RELN: variants seen among roughly 807,000 people sequenced by gnomAD.
The protein encoded by RELN is reelin.
A neutral mutation model predicts 427.6 loss-of-function variants in RELN; 108 were observed. That is an observed-to-expected ratio of 0.25 (90% confidence interval 0.22 to 0.30). The LOEUF is 0.30. Among genes scored for constraint, RELN ranks in the 10% least tolerant of loss-of-function variants. RELN has a pLI of 1.00. For synonymous variants in RELN, 1,524 were observed against 1,513.4 expected, an observed-to-expected ratio of 1.01 and a Z score of -0.16; for missense variants, 3,715 against 4,302.8, an observed-to-expected ratio of 0.86 and a Z score of 3.82.
intron 16 of RELN, 90 bp downstream of exon 16, chr7:103,650,184 T>C (rs1403100714): frequency 1.2e-6 from 1 of 841,462 alleles, no homozygotes; most frequent in Non-Finnish European, 2.1e-6. Context: ...GACCATGACT[T>C]AGAAATGTGA....
At position 103,636,406 on chromosome 7, in the gene RELN, A is replaced by G; in HGVS notation, c.2132T>C (p.Ile711Thr). 1 of 1,614,078 alleles carries G rather than the reference A, an allele frequency of 6.2e-7. No individual in the cohort carries two copies. The highest frequency in any genetic ancestry group is 8.5e-7 in the Non-Finnish European group (1 of 1,179,974). The change falls in exon 18 of 65, where the codon ATT (isoleucine) becomes ACT (threonine). Residue 711 changes from isoleucine to threonine, a missense_variant. Coordinates refer to ENST00000428762, the MANE Select transcript of RELN (RefSeq NM_005045.4). Reference protein sequence around the residue: ...EMASQTFPMFISESFGSSRLS... With the variant: ...EMASQTFPMFTSESFGSSRLS... ...CCTGGAACTGCCAAAGCTTTCAGAA[A>G]TAAACATTGGGAATGTCTGGGATGC...
chr7:103,918,674 A>T (rs1584366391), intron 1 of RELN, among the ~76,000 whole-genome samples: 1 of 152,196 alleles, frequency 6.6e-6, no homozygotes, highest in East Asian at 1.9e-4. Flanking sequence ...ATTCATATAA[A>T]AGTAGTGCAA....
intron 12 of RELN, among the ~76,000 whole-genome samples, chr7:103,655,550 T>A (rs190054284): frequency 6.6e-6 from 1 of 152,190 alleles, no homozygotes; most frequent in African/African-American, 2.4e-5. Flanking sequence ...AAAGTGTCAA[T>A]TGTTTGTAAA....
intron 11 of RELN, among the ~76,000 whole-genome samples, chr7:103,676,935 T>C (rs1833541351): frequency 1.3e-5 from 2 of 151,968 alleles, no homozygotes; most frequent in South Asian, 4.2e-4. Context: ...ATATATCTAA[T>C]ATAAATGATG....
rs1790119426 is a variant in RELN, at chr7:103,723,132, A to T, written c.805+8T>A. On this transcript the variant is annotated splice_region_variant and intron_variant, in intron 8 of 64. Transcript: ENST00000428762. ...ATTAAATCGTTATAACTGCTAAAAA[A>T]CACTTACCAATGGAAAATTGGAGGA... 2.5e-6 allele frequency: 4 copies of T among 1,576,534 alleles called. No homozygotes were observed. In the Admixed American group the frequency reaches 6.7e-5, roughly 26 times the overall value.
At chr7:103,574,355 G>A (rs1830950351) in intron 29 of RELN, 56 bp from the exon 30 acceptor site, 1 of 1,466,024 alleles carries the variant, frequency 6.8e-7, no homozygotes, top group Non-Finnish European at 9.5e-7. Context: ...TCAAAACGAG[G>A]TCTATTCAAC....
chr7:103,518,961 A>G (rs1043264719), intron 49 of RELN, among the ~76,000 whole-genome samples: 2 of 152,138 alleles, frequency 1.3e-5, no homozygotes, highest in African/African-American at 2.4e-5. Flanking sequence ...CCAGTCCAAA[A>G]TTCTCTAAAA....
At chr7:103,511,882 G>A (rs769382038) in intron 50 of RELN, among the ~76,000 whole-genome samples, 99 of 152,124 alleles carry the variant, frequency 6.5e-4, no homozygotes, top group Non-Finnish European at 1.2e-3. Flanking sequence ...TACATTTGAT[G>A]ACTCTGGAAA....
intron 2 of RELN, among the ~76,000 whole-genome samples, chr7:103,855,843 T>C (rs1239666859): frequency 1.3e-5 from 2 of 152,140 alleles, no homozygotes; most frequent in Non-Finnish European, 2.9e-5. Flanking sequence ...TCACATTGGA[T>C]TAGGAGGCCA....
At chr7:103,519,740 G>T (rs1232348433) in intron 48 of RELN, among the ~76,000 whole-genome samples, 3 of 151,942 alleles carry the variant, frequency 2.0e-5, no homozygotes, top group Admixed American at 2.0e-4. Context: ...ATGCCTCCAT[G>T]TCTAGCTAAT....
At chr7:103,810,122 C>T (rs1208827350) in intron 3 of RELN, among the ~76,000 whole-genome samples, 1 of 152,140 alleles carries the variant, frequency 6.6e-6, no homozygotes, top group Non-Finnish European at 1.5e-5. Context: ...AATTACCTTG[C>T]TGTTATCATT....
chr7:103,758,288 G>C (rs570355900), intron 4 of RELN, among the ~76,000 whole-genome samples: 1 of 152,218 alleles, frequency 6.6e-6, no homozygotes, highest in South Asian at 2.1e-4. Flanking sequence ...GTAACTTAAA[G>C]AGTATGCCAA....
chr7:103,562,109 G>A (rs1830657486), intron 34 of RELN, among the ~76,000 whole-genome samples, 156 bp from the exon 35 acceptor site: 2 of 152,134 alleles, frequency 1.3e-5, no homozygotes, highest in Admixed American at 1.3e-4. Flanking sequence ...CTACTAAGTA[G>A]TAAGAAATGC....
chr7:103,519,225 G>A (rs1028017857), intron 49 of RELN, 98 bp downstream of exon 49: 2 of 886,360 alleles, frequency 2.3e-6, no homozygotes, highest in Non-Finnish European at 3.8e-6. Flanking sequence ...CCTCTAGTGA[G>A]GCATAAGTCT....
chr7:103,575,150 T>C (rs1830970221), intron 29 of RELN, among the ~76,000 whole-genome samples: 1 of 152,206 alleles, frequency 6.6e-6, no homozygotes, highest in Admixed American at 6.5e-5. Context: ...GATCTTGGGA[T>C]AGTTATTAAA....
chr7:103,743,094 T>C (rs1334462800), intron 6 of RELN, among the ~76,000 whole-genome samples: 2 of 148,966 alleles, frequency 1.3e-5, no homozygotes, highest in East Asian at 1.9e-4. Flanking sequence ...CAGAAGAGAG[T>C]GGGGGCCAAT....
chr7:103,912,347 G>A (rs142973463), intron 2 of RELN, among the ~76,000 whole-genome samples: 1 of 151,870 alleles, frequency 6.6e-6, no homozygotes, highest in Admixed American at 6.6e-5. Context: ...ACCATGCCTG[G>A]CTAATTTTTT....
At chr7:103,930,917 T>G (rs1795850722) in intron 1 of RELN, among the ~76,000 whole-genome samples, 2 of 151,314 alleles carry the variant, frequency 1.3e-5, no homozygotes, top group East Asian at 3.9e-4. Flanking sequence ...TGTGTCTCCT[T>G]CTGTTCTTTT....
At chr7:103,960,827 G>C (rs555205729) in intron 1 of RELN, among the ~76,000 whole-genome samples, 25 of 152,280 alleles carry the variant, frequency 1.6e-4, no homozygotes, top group African/African-American at 5.5e-4. Flanking sequence ...AAAAAATACT[G>C]CATCAACTAG....
Sources: gnomAD v4.1 joint callset for allele counts (sites outside exome capture counted in the v4.1 genomes callset) on GRCh38, gnomAD v4.1.1 for gene constraint, MANE v1.5 for transcripts, NCBI Gene and HGNC (gene_info 2026-07-23, HGNC 2026-07-21) for gene names.